Variants in NAP1L4 observed in about 807,000 individuals in gnomAD.
NAP1L4 encodes nucleosome assembly protein 1-like 4.
NAP1L4 carries 15 observed loss-of-function variants against 58.2 expected under a neutral mutation model. The observed-to-expected ratio is 0.26, with a 90% CI of 0.17 to 0.40. The LOEUF (loss-of-function observed/expected upper bound fraction) is 0.40, where lower values mean the gene tolerates loss of function less well. Among genes scored for constraint, NAP1L4 ranks in the 10% least tolerant of loss-of-function variants. The pLI, the probability that NAP1L4 is intolerant of heterozygous loss-of-function variation, is 1.00. For missense variants in NAP1L4, 384 were observed against 451.1 expected, an observed-to-expected ratio of 0.85 and a Z score of 1.35; for synonymous variants, 171 against 155.6, an observed-to-expected ratio of 1.10 and a Z score of -0.74.
intron 4 of NAP1L4, among the ~76,000 whole-genome samples, chr11:2,975,727 C>A (rs1847917516): frequency 6.6e-6 from 1 of 151,836 alleles, no homozygotes; most frequent in Admixed American, 6.6e-5. Flanking sequence ...AACTTAGGAG[C>A]CACCAGCTGT....
chr11:2,973,021 G>A (rs1847739807), intron 4 of NAP1L4, among the ~76,000 whole-genome samples: 1 of 152,198 alleles, frequency 6.6e-6, no homozygotes, highest in Admixed American at 6.5e-5. Flanking sequence ...ATGCTGGAGT[G>A]TCCGTCGATA....
chr11:2,976,198 C>T, intron 3 of NAP1L4, 75 bp from the exon 4 acceptor site: 1 of 1,072,894 alleles, frequency 9.3e-7, no homozygotes, highest in Non-Finnish European at 1.4e-6. Flanking sequence ...AAATTAGTAA[C>T]ATATCTACTT....
chr11:2,952,115 G>A, intron 12 of NAP1L4: 1 of 451,516 alleles, frequency 2.2e-6, no homozygotes. Flanking sequence ...CTCACACCGA[G>A]GAGCAGGCAC....
intron 7 of NAP1L4, 144 bp downstream of exon 7, chr11:2,969,659 A>G: frequency 1.3e-6 from 1 of 778,036 alleles, no homozygotes; most frequent in Non-Finnish European, 1.9e-6. Flanking sequence ...AGGACTGCTC[A>G]TCTGAGGTCC....
intron 1 of NAP1L4, among the ~76,000 whole-genome samples, chr11:2,986,373 CA>C (rs34433683): frequency 0.3 from 32,562 of 108,406 alleles, 3,614 homozygotes; most frequent in South Asian, 0.44. Context: ...GACCCTGTCT[CA>C]AAAAAAAAAA....
At chr11:2,970,410 G>A (rs1439724380) in intron 6 of NAP1L4, among the ~76,000 whole-genome samples, 3 of 151,868 alleles carry the variant, frequency 2.0e-5, no homozygotes, top group African/African-American at 7.3e-5. Context: ...AATTTGTGGG[G>A]TGCTAAGTTG....
chr11:2,967,510 C>T (rs568000216), intron 7 of NAP1L4, among the ~76,000 whole-genome samples: 12 of 151,310 alleles, frequency 7.9e-5, no homozygotes, highest in Non-Finnish European at 1.8e-4. Context: ...ACTCGGGAGG[C>T]TGAGGCAGGA....
chr11:2,980,888 C>CA (rs908169758), intron 1 of NAP1L4, among the ~76,000 whole-genome samples: 35 of 149,412 alleles, frequency 2.3e-4, no homozygotes, highest in Non-Finnish European at 3.9e-4. Flanking sequence ...TTGTCTTTTT[C>CA]AAAAAAAATA....
At chr11:2,950,371 C>T (rs554416215) in intron 14 of NAP1L4, among the ~76,000 whole-genome samples, 1 of 152,356 alleles carries the variant, frequency 6.6e-6, no homozygotes, top group East Asian at 1.9e-4. Flanking sequence ...TTCATGGAAA[C>T]AGCCAGTTTA....
intron 1 of NAP1L4, chr11:2,991,386 C>CTGAAAGAAAAG (rs1848956210): frequency 8.3e-6 from 2 of 241,524 alleles, no homozygotes; most frequent in Admixed American, 4.7e-5. Context: ...ACCTCTTCCA[C>CTGAAAGAAAAG]CATCTCTGAA....
intron 7 of NAP1L4, among the ~76,000 whole-genome samples, chr11:2,967,947 G>A (rs1385673881): frequency 6.6e-6 from 1 of 152,082 alleles, no homozygotes; most frequent in Non-Finnish European, 1.5e-5. Flanking sequence ...GCCATAACCA[G>A]GTGGCCACAC....
chr11:2,991,265 G>A (rs554610100), intron 1 of NAP1L4: 6 of 406,606 alleles, frequency 1.5e-5, no homozygotes, highest in Middle Eastern at 4.4e-4. Context: ...TGTGGACGGT[G>A]GAAAGTCTTA....
intron 9 of NAP1L4, 197 bp from the exon 10 acceptor site, chr11:2,958,741 G>C (rs1344146316): frequency 6.9e-6 from 4 of 580,000 alleles, no homozygotes; most frequent in Non-Finnish European, 1.2e-5. Context: ...CTTTCAACTT[G>C]GGTGTGACCA....
At chr11:2,963,443 G>A (rs1427106406) in intron 8 of NAP1L4, among the ~76,000 whole-genome samples, 9 of 152,158 alleles carry the variant, frequency 5.9e-5, no homozygotes, top group Non-Finnish European at 1.2e-4. Context: ...CCCTCTGGAG[G>A]GCAGCCCCCA....
chr11:2,963,663 AG>A, intron 8 of NAP1L4: 1 of 483,488 alleles, frequency 2.1e-6, no homozygotes, highest in Admixed American at 2.1e-5. Flanking sequence ...CCATTAGCCC[AG>A]GCCCCAGTGC....
At chr11:2,975,961 T>G in intron 4 of NAP1L4, 63 bp downstream of exon 4, 1 of 1,453,574 alleles carries the variant, frequency 6.9e-7, no homozygotes, top group Non-Finnish European at 9.5e-7. Flanking sequence ...TGAAAAGTGG[T>G]TTTTCCTTTA....
chr11:2,950,767 A>G (rs1251696732), intron 14 of NAP1L4, among the ~76,000 whole-genome samples: 1 of 152,152 alleles, frequency 6.6e-6, no homozygotes, highest in Non-Finnish European at 1.5e-5. Context: ...TTTCCAATTT[A>G]TTTTAAATTA....
rs771154412 is a variant in NAP1L4 at position 2,954,700 on chromosome 11, C to T, written c.916-54G>A. The T allele has an allele frequency of 3.7e-6, 6 of 1,610,406 alleles. No homozygotes were observed. In the Admixed American group the frequency reaches 8.3e-5, roughly 22 times the overall value. On this transcript the variant is annotated intron_variant, in intron 11 of 15. Coordinates refer to ENST00000380542, the MANE Select transcript of NAP1L4 (RefSeq NM_005969.4). The surrounding 1 kb of genome is among the most constrained non-coding windows in gnomAD (Gnocchi z 4.8). Reference sequence around the variant, plus strand: ...CATTTTAATGGGATAAAAACATTCACTTCACCACCCTCAGCCAAACCTCAG... The same window carrying T: ...CATTTTAATGGGATAAAAACATTCATTTCACCACCCTCAGCCAAACCTCAG...
At chr11:2,957,320 C>T (rs11024746) in intron 10 of NAP1L4, among the ~76,000 whole-genome samples, 27,682 of 152,092 alleles carry the variant, frequency 0.18, 3,020 homozygotes, top group South Asian at 0.34. Flanking sequence ...TTCCCCAAAC[C>T]GTATGTATTT....
Sources: allele counts gnomAD v4.1 joint callset (sites outside exome capture counted in the v4.1 genomes callset), GRCh38; gene constraint gnomAD v4.1.1; non-coding constraint Gnocchi (gnomAD v3.1); transcripts MANE v1.5; gene names NCBI Gene and HGNC (gene_info 2026-07-23, HGNC 2026-07-21).